The following GSN variants were observed in gnomAD, a reference collection of about 807,000 sequenced individuals.
GSN encodes the protein gelsolin, also known as actin-depolymerizing factor.
GSN carries 56 observed loss-of-function variants against 85.7 expected under a neutral mutation model. The ratio of observed to expected loss-of-function variants is 0.65; its 90% CI spans 0.53 to 0.82. The LOEUF (loss-of-function observed/expected upper bound fraction) is 0.82, where lower values mean the gene tolerates loss of function less well. Ranked by LOEUF, GSN falls within the 40% of genes least tolerant of loss-of-function variation. GSN has a pLI of 0.00. For missense variants in GSN, 857 were observed against 979.8 expected (o/e 0.87, Z 1.67); for synonymous variants, 373 against 399.1 (o/e 0.93, Z 0.78).
chr9:121,281,233 A>G, intron 1 of GSN: 1 of 231,614 alleles, frequency 4.3e-6, no homozygotes, highest in South Asian at 5.8e-5. Flanking sequence ...GGTACAAGGC[A>G]TAAGAAGAGA....
chr9:121,297,467 G>T (rs2059327388), intron 2 of GSN, among the ~76,000 whole-genome samples: 1 of 152,156 alleles, frequency 6.6e-6, no homozygotes, highest in Non-Finnish European at 1.5e-5. Flanking sequence ...GCCTCAGGCA[G>T]CCACGGCAAT....
At position 121,310,770 on chromosome 9, in the gene GSN, G is replaced by C; in HGVS notation, c.438G>C (p.Val146=). 6.2e-7 allele frequency: 1 copy of C among 1,614,080 alleles called. No homozygotes were observed. The highest frequency in any genetic ancestry group is 1.6e-4 in the Middle Eastern group (1 of 6,062). Residue 146 remains valine (V), a synonymous_variant, in exon 5 of 18, where the codon GTG becomes GTC. Transcript: ENST00000432226. ...QRLFQVKGRR[V]VRATEVPVSW... ...TCTTCCAGGTCAAAGGGCGGCGTGT[G>C]GTCCGTGCCACCGAGGTACCTGTGT...
exon 6 of GSN, chr9:121,248,315 G>A (rs890322871): frequency 5.9e-5 from 9 of 152,046 alleles, no homozygotes; most frequent in African/African-American, 2.2e-4. Flanking sequence ...TGAGTAGCTG[G>A]GATTACAGGT....
chr9:121,250,001 G>T (rs1475590515), intron 6 of GSN, among the ~76,000 whole-genome samples: 2 of 152,160 alleles, frequency 1.3e-5, no homozygotes, highest in African/African-American at 4.8e-5. Context: ...GGGCTGTGTG[G>T]TTCCCATAGA....
Position 121,332,696 on chromosome 9 carries a change from A to G in GSN, c.*93A>G, listed in dbSNP as rs1193937465. The stretch of plus-strand genomic sequence containing the variant: ...TTAGAGCGAGCAGAGCAGCTCTGCT[A>G]TGAGTGTGTGTGTGTGTGTGTGTTG... On this transcript the variant is annotated 3_prime_UTR_variant, in exon 18 of 18. Transcript: ENST00000432226. This position sits in a 1 kb window ranked among gnomAD's most constrained non-coding sequence, Gnocchi z 4.8. 3.5e-6 allele frequency: 3 copies of G among 869,126 alleles called. No homozygotes were observed. Among genetic ancestry groups the G allele is most frequent in the African/African-American group, 1.7e-5 (1 of 57,716 alleles). The allele number at this position is 869,126 out of a possible 1,614,324, so 53.8% of individuals were successfully genotyped here. A position where few individuals can be genotyped will look rare whatever the true frequency, so the allele number is the denominator to read the frequency against.
At chr9:121,202,004 T>TC in the GSN span, 1 of 152,380 alleles carries the variant, frequency 6.6e-6, no homozygotes, top group Non-Finnish European at 1.5e-5. Context: ...CCACGCCCCT[T>TC]CCTCAGCCCT....
intron 2 of GSN, among the ~76,000 whole-genome samples, chr9:121,294,382 G>A (rs569225782): frequency 1.3e-5 from 2 of 152,306 alleles, no homozygotes; most frequent in East Asian, 3.9e-4. Context: ...TCCTCCCCGA[G>A]AGAAGGGGAG....
At chr9:121,278,634 A>G (rs1303955338) in intron 1 of GSN, among the ~76,000 whole-genome samples, 1 of 152,232 alleles carries the variant, frequency 6.6e-6, no homozygotes, top group South Asian at 2.1e-4. Flanking sequence ...GCAAACAGGC[A>G]CGTAGTGAGA....
intron 6 of GSN, among the ~76,000 whole-genome samples, chr9:121,257,779 G>T (rs1588500876): frequency 1.3e-5 from 2 of 152,308 alleles, no homozygotes; most frequent in African/African-American, 4.8e-5. Context: ...GCTGAGGCAG[G>T]AGAATCACTT....
chr9:121,302,284 T>G, intron 3 of GSN, 117 bp downstream of exon 3: 49 of 1,129,226 alleles, frequency 4.3e-5, no homozygotes, highest in Non-Finnish European at 5.5e-5. Context: ...TGCTGGGCCC[T>G]TGACTGGTGG....
chr9:121,286,615 T>C (rs1185593581), intron 2 of GSN: 3 of 1,518,062 alleles, frequency 2.0e-6, no homozygotes, highest in Non-Finnish European at 1.8e-6. Context: ...CCACAACTGC[T>C]TGAATGACTA....
In GSN at chr9:121,327,306, AGGTATT is replaced by A; in HGVS notation, c.1588_1593del (p.Val530_Leu531del). 1.2e-6 allele frequency: 2 copies of A among 1,613,084 alleles called. No individual in the cohort carries two copies. Among genetic ancestry groups the A allele is most frequent in the Non-Finnish European group, 1.7e-6 (2 of 1,179,104 alleles). ...CTGATTAACCAAGCTGTACCCTCCC[AGGTATT>A]GCCTAAGGCTGGTGCACTGAACTCC... is the stretch of plus-strand genomic sequence containing the variant. On this transcript the variant is annotated splice_acceptor_variant and coding_sequence_variant, in exon 14 of 18. Transcript: ENST00000432226. LOFTEE classifies it high-confidence loss of function.
At chr9:121,256,257 G>A (rs1055264468) in intron 6 of GSN, among the ~76,000 whole-genome samples, 1 of 152,166 alleles carries the variant, frequency 6.6e-6, no homozygotes, top group Non-Finnish European at 1.5e-5. Context: ...AACATTGTAT[G>A]CCTGAGGATA....
At chr9:121,320,230 G>T (rs1002241026) in intron 10 of GSN, among the ~76,000 whole-genome samples, 1 of 152,208 alleles carries the variant, frequency 6.6e-6, no homozygotes, top group African/African-American at 2.4e-5. Flanking sequence ...CCACCAGGTG[G>T]CGCTGCCGGG....
intron 6 of GSN, among the ~76,000 whole-genome samples, chr9:121,251,187 C>CTGTTTTTTTTTTTTTTTT (rs2054825042): frequency 1.4e-5 from 1 of 73,044 alleles, no homozygotes; most frequent in Non-Finnish European, 2.2e-5. Context: ...CTGATGTGTT[C>CTGTTTTTTTTTTTTTTTT]TTTTTTTTTT....
chr9:121,295,351 A>G (rs986378447), intron 2 of GSN, among the ~76,000 whole-genome samples: 4 of 152,206 alleles, frequency 2.6e-5, no homozygotes, highest in Non-Finnish European at 4.4e-5. Flanking sequence ...CATTGTCCCA[A>G]TTAGCAAAAT....
At chr9:121,291,723 A>G (rs2058712431) in intron 2 of GSN, among the ~76,000 whole-genome samples, 1 of 151,838 alleles carries the variant, frequency 6.6e-6, no homozygotes, top group Non-Finnish European at 1.5e-5. Context: ...CCTGGCCCCC[A>G]TTGGACTTTT....
chr9:121,310,640 T>C, intron 4 of GSN, 44 bp from the exon 5 acceptor site: 2 of 1,599,490 alleles, frequency 1.3e-6, no homozygotes, highest in Non-Finnish European at 1.7e-6. Flanking sequence ...TCTGCTTCCC[T>C]GGGCCTTCTC....
chr9:121,237,143 T>G (rs2054511099), intron 5 of GSN, among the ~76,000 whole-genome samples: 1 of 152,230 alleles, frequency 6.6e-6, no homozygotes, highest in East Asian at 1.9e-4. Flanking sequence ...TGCAGGATTT[T>G]GTGTGTTGCT....
Sources: gnomAD v4.1 joint callset for allele counts (sites outside exome capture counted in the v4.1 genomes callset) on GRCh38, gnomAD v4.1.1 for gene constraint, Gnocchi (gnomAD v3.1) non-coding constraint, MANE v1.5 for transcripts, NCBI Gene and HGNC (gene_info 2026-07-23, HGNC 2026-07-21) for gene names.